The following CDH24 variants were observed in gnomAD, a reference collection of about 807,000 sequenced individuals.
CDH24 encodes cadherin 24, also known as cadherin-24.
A neutral mutation model predicts 71.2 loss-of-function variants in CDH24; 61 were observed. The observed-to-expected ratio is 0.86, with a 90% CI of 0.70 to 1.06. The LOEUF (loss-of-function observed/expected upper bound fraction) is 1.06. CDH24 is among the 50% of genes least tolerant of loss of function. The pLI is 0.00. For missense variants in CDH24, 961 were observed against 1,083.7 expected (o/e 0.89, Z 1.59); for synonymous variants, 440 against 470.2 (o/e 0.94, Z 0.83).
At position 23,047,950 on chromosome 14, in the gene CDH24, C is replaced by A. The variant is rs957603191; in HGVS notation, c.*30G>T. 22 of 1,290,932 alleles carry A rather than the reference C, an allele frequency of 1.7e-5. No individual in the cohort carries two copies. The highest frequency in any genetic ancestry group is 1.4e-4 in the South Asian group (6 of 44,264). 80.0% of individuals were successfully genotyped at this position (1,290,932 alleles called of 1,614,324 possible). ...AGAGGGCCTGTGCCCGCTGCCCCCC[C>A]CCCGCGGTGGGCCGGGCCAGCCCGG... On this transcript the variant is annotated 3_prime_UTR_variant, in exon 12 of 13. Transcript: ENST00000487137.
intron 8 of CDH24, chr14:23,050,164 C>T: frequency 9.2e-6 from 5 of 541,378 alleles, no homozygotes; most frequent in Non-Finnish European, 1.6e-5. Flanking sequence ...ATGTGCGATA[C>T]ACAATAGACA....
At chr14:23,048,501 A>C in intron 11 of CDH24, 22 bp from the exon 12 acceptor site, 1 of 1,597,850 alleles carries the variant, frequency 6.3e-7, no homozygotes, top group Non-Finnish European at 8.5e-7. Context: ...GCGCGCACAC[A>C]GGCCCTGAGC....
chr14:23,052,084 CT>C, intron 8 of CDH24: 1 of 1,536,044 alleles, frequency 6.5e-7, no homozygotes, highest in Non-Finnish European at 8.8e-7. Flanking sequence ...CAGCTCCAGC[CT>C]GAAGCAGAGA....
Position 23,051,143 on chromosome 14 carries a change from A to T in CDH24, c.1364-1200T>A, listed in dbSNP as rs1430301825. On this transcript the variant is annotated intron_variant, in intron 8 of 12. Transcript: ENST00000487137. The surrounding 1 kb of genome is among the most constrained non-coding windows in gnomAD (Gnocchi z 4.4). ...CCATGCACTAACAGATAACACGTGC[A>T]CTGCCAGGTAGTATCTGTGCATATC... Among the ~76,000 whole-genome samples, 1 of 152,222 alleles carries T rather than the reference A, an allele frequency of 6.6e-6. No homozygotes were observed. Among genetic ancestry groups the T allele is most frequent in the East Asian group, 1.9e-4 (1 of 5,196 alleles).
Position 23,055,052 on chromosome 14 carries a change from T to A in CDH24, c.496+7A>T, listed in dbSNP as rs759171414. ...GGAACTGGGGCATTCAGAGCTGGGG[T>A]GCTCACCGACATTGGACATCTCGGG... On this transcript the variant is annotated splice_region_variant and intron_variant, in intron 3 of 12. Transcript: ENST00000487137. The surrounding 1 kb of genome is among the most constrained non-coding windows in gnomAD (Gnocchi z 4.1). 5 of 1,606,156 alleles carry A rather than the reference T, an allele frequency of 3.1e-6. No individual in the cohort carries two copies. The highest frequency in any genetic ancestry group is 1.7e-5 in the Admixed American group (1 of 59,872).
In CDH24 at chr14:23,048,008, T is replaced by C. The variant is rs1479086364; in HGVS notation, c.2318A>G (p.Tyr773Cys). 6 of 1,429,128 alleles carry C rather than the reference T, an allele frequency of 4.2e-6. No individual in the cohort carries two copies. Among genetic ancestry groups the C allele is most frequent in the South Asian group, 2.7e-5 (2 of 73,872 alleles). 88.5% of individuals were successfully genotyped at this position (1,429,128 alleles called of 1,614,324 possible). A position where few individuals can be genotyped will look rare whatever the true frequency, so the allele number is the denominator to read the frequency against. ...GPLFRTLAEL[Y>C]GAKEPPAP ...GGGGGCCGGGGGCTCCTTGGCCCCATACAGCTCGGCCAGGGTGCGGAAGAG... is the reference window on the plus strand; with the variant it reads ...GGGGGCCGGGGGCTCCTTGGCCCCACACAGCTCGGCCAGGGTGCGGAAGAG... Residue 773 changes from tyrosine (Y) to cysteine (C), a missense_variant, in exon 12 of 13, where the codon TAT (tyrosine) becomes TGT (cysteine). By Grantham distance (194) the Tyr-to-Cys change is radical. Around this residue, in one of 2 missense-constraint regions of CDH24, gnomAD observed 290 missense variants for 272.8 expected, o/e 1.06. Transcript: ENST00000487137.
intron 1 of CDH24, among the ~76,000 whole-genome samples, chr14:23,056,844 G>T (rs2047136990): frequency 6.6e-6 from 1 of 152,150 alleles, no homozygotes; most frequent in Non-Finnish European, 1.5e-5. Flanking sequence ...TAGGGGCGGG[G>T]GGGAGGACCC....
At chr14:23,056,591 TGA>T (rs888812912) in intron 1 of CDH24, among the ~76,000 whole-genome samples, 1 of 151,930 alleles carries the variant, frequency 6.6e-6, no homozygotes, top group South Asian at 2.1e-4. Context: ...AGAGACAGAA[TGA>T]GAGAGACCAG....
At chr14:23,050,924 GAGGA>G (rs1176932969) in intron 8 of CDH24, among the ~76,000 whole-genome samples, 1 of 152,168 alleles carries the variant, frequency 6.6e-6, no homozygotes, top group Non-Finnish European at 1.5e-5. Context: ...ACAGGATGGG[GAGGA>G]GGTCTACTTC....
chr14:23,048,468 G>A lies in CDH24; in HGVS notation c.1858C>T (p.Leu620Phe), dbSNP rs1180647997. 6 of 1,607,696 alleles carry A rather than the reference G, an allele frequency of 3.7e-6. No homozygotes were observed. In the South Asian group the frequency reaches 6.6e-5, roughly 18 times the overall value. The change falls in exon 12 of 13, where the codon CTC (leucine) becomes TTC (phenylalanine). Residue 620 changes from leucine (L) to phenylalanine (F), a missense_variant. Around this residue, in one of 2 missense-constraint regions of CDH24, gnomAD observed 290 missense variants for 272.8 expected, o/e 1.06. Coordinates refer to ENST00000487137, the MANE Select transcript of CDH24 (RefSeq NM_144985.4). ...TTCTGCCGCCGCAGGGCCACGAAGA[G>A]CACCACCAGGGCTGCGCGAGAGGCG... ...CVGALLALVV[L>F]FVALRRQKQE...
Position 23,049,808 on chromosome 14 carries a change from C to T in CDH24, c.1485+14G>A. On this transcript the variant is annotated intron_variant, in intron 9 of 12. Transcript: ENST00000487137. ...AGGCCTGGACGTCCCAACCCCTCTG[C>T]CTCAGTTGCTCACCTGGCCAGGAGC... The T allele has an allele frequency of 1.2e-6, 2 of 1,613,908 alleles. No homozygotes were observed. Among genetic ancestry groups the T allele is most frequent in the South Asian group, 1.1e-5 (1 of 91,074 alleles).
chr14:23,054,982 C>A lies in CDH24; in HGVS notation c.496+77G>T. 6.3e-7 allele frequency: 1 copy of A among 1,588,618 alleles called. No individual in the cohort carries two copies. The highest frequency in any genetic ancestry group is 8.6e-7 in the Non-Finnish European group (1 of 1,164,450). On this transcript the variant is annotated intron_variant, in intron 3 of 12. Transcript: ENST00000487137. This position sits in a 1 kb window ranked among gnomAD's most constrained non-coding sequence, Gnocchi z 5.2. ...GAATTGAAGGGGGCAGGTTCTGGGGCAGACAACAAGAAGGGAAGGAGAGGT... is the reference window on the plus strand; with the variant it reads ...GAATTGAAGGGGGCAGGTTCTGGGGAAGACAACAAGAAGGGAAGGAGAGGT...
Position 23,051,973 on chromosome 14 carries a change from G to C in CDH24, c.1363+500C>G. The stretch of plus-strand genomic sequence containing the variant: ...CTTATGGTGTCCACTCCCCTACCTT[G>C]GGGGATTCCCACAGCGCTTCCAACA... On this transcript the variant is annotated intron_variant, in intron 8 of 12. Coordinates refer to ENST00000487137, the MANE Select transcript of CDH24 (RefSeq NM_144985.4). This position sits in a 1 kb window ranked among gnomAD's most constrained non-coding sequence, Gnocchi z 4.4. 1 of 1,554,530 alleles carries C rather than the reference G, an allele frequency of 6.4e-7. No individual in the cohort carries two copies. The highest frequency in any genetic ancestry group is 8.8e-7 in the Non-Finnish European group (1 of 1,142,478).
chr14:23,049,554 G>C (rs1246775886), intron 10 of CDH24, 73 bp downstream of exon 10: 4 of 940,372 alleles, frequency 4.3e-6, no homozygotes, highest in Non-Finnish European at 6.6e-6. Flanking sequence ...GGTCAGGCAG[G>C]CTGGGCTAGG....
At chr14:23,048,536 T>G (rs1430150314) in intron 11 of CDH24, 57 bp from the exon 12 acceptor site, 1 of 1,567,772 alleles carries the variant, frequency 6.4e-7, no homozygotes, top group East Asian at 2.3e-5. Flanking sequence ...GCGGGCGGCC[T>G]GTCTCCATGT....
At position 23,055,017 on chromosome 14, in the gene CDH24, C is replaced by G; in HGVS notation, c.496+42G>C. The G allele has an allele frequency of 6.3e-7, 1 of 1,594,880 alleles. No individual in the cohort carries two copies. The highest frequency in any genetic ancestry group is 8.6e-7 in the Non-Finnish European group (1 of 1,167,412). On this transcript the variant is annotated intron_variant, in intron 3 of 12. Transcript: ENST00000487137. This position sits in a 1 kb window ranked among gnomAD's most constrained non-coding sequence, Gnocchi z 4.1. ...GAAGGGAAGGAGAGGTGAGAGAGCT[C>G]CAGAAGACGGGAACTGGGGCATTCA...
At position 23,049,098 on chromosome 14, in the gene CDH24, G is replaced by A; in HGVS notation, c.1775C>T (p.Ala592Val). The A allele has an allele frequency of 1.2e-6, 2 of 1,610,856 alleles. No homozygotes were observed. The highest frequency in any genetic ancestry group is 1.7e-6 in the Non-Finnish European group (2 of 1,178,880). The change falls in exon 11 of 13, where the codon GCT becomes GTT. Residue 592 changes from alanine to valine, a missense_variant. This residue lies in a region of CDH24 where 671 missense variants were observed against 810.9 expected (regional missense o/e 0.83). Coordinates refer to ENST00000487137, the MANE Select transcript of CDH24 (RefSeq NM_144985.4). The stretch of plus-strand genomic sequence containing the variant: ...GCTGAGCCCAGCAGCTGAGAGGTGA[G>A]CCTCAGGCCAGCAGGATGCCACAGA... ...DGSVASCWPE[A>V]HLSAAGLSTG...
rs1269888088 is a variant in CDH24, at chr14:23,051,614, A to G, written c.1363+859T>C. The stretch of plus-strand genomic sequence containing the variant: ...ACATATATATCCATTACAGATATAT[A>G]CCCACAAATATATATTTGTGTATAT... On this transcript the variant is annotated intron_variant, in intron 8 of 12. Coordinates refer to ENST00000487137, the MANE Select transcript of CDH24 (RefSeq NM_144985.4). The surrounding 1 kb of genome is among the most constrained non-coding windows in gnomAD (Gnocchi z 4.4). Among the ~76,000 whole-genome samples, 4 of 152,226 alleles carry G rather than the reference A, an allele frequency of 2.6e-5. No individual in the cohort carries two copies. Among genetic ancestry groups the G allele is most frequent in the Non-Finnish European group, 5.9e-5 (4 of 68,044 alleles).
rs1367323032 is a variant in CDH24, at chr14:23,054,150, A to T, written c.963T>A (p.Thr321=). Reference sequence around the variant, plus strand: ...CAGGCAGGAGGCTAACCTTGCGGACAGTGAGGAGCCCGTCTCGACCCTGCA... The same window carrying T: ...CAGGCAGGAGGCTAACCTTGCGGACTGTGAGGAGCCCGTCTCGACCCTGCA... ...TDLQGRDGLL[T]VRKPLDFESQ... The change falls in exon 6 of 13, where the codon ACT becomes ACA. Residue 321 remains threonine (T), a synonymous_variant. Coordinates refer to ENST00000487137, the MANE Select transcript of CDH24 (RefSeq NM_144985.4). The surrounding 1 kb of genome is among the most constrained non-coding windows in gnomAD (Gnocchi z 5.2). 6.3e-7 allele frequency: 1 copy of T among 1,596,430 alleles called. No individual in the cohort carries two copies.
Sources: allele counts gnomAD v4.1 joint callset (sites outside exome capture counted in the v4.1 genomes callset), GRCh38; gene constraint gnomAD v4.1.1; regional missense constraint gnomAD v4.1.1; non-coding constraint Gnocchi (gnomAD v3.1); transcripts MANE v1.5; gene names NCBI Gene and HGNC (gene_info 2026-07-23, HGNC 2026-07-21).